MICU1: variants seen among roughly 807,000 people sequenced by gnomAD.
MICU1 encodes the protein calcium uptake protein 1, mitochondrial.
MICU1 carries 45 observed loss-of-function variants against 56.8 expected under a neutral mutation model. That is an observed-to-expected ratio of 0.79 (90% confidence interval 0.62 to 1.02). The LOEUF is 1.02. Ranked by LOEUF, MICU1 falls within the 50% of genes least tolerant of loss-of-function variation. The pLI is 0.00. For synonymous variants in MICU1, 186 were observed against 195.1 expected, an observed-to-expected ratio of 0.95 and a Z score of 0.39; for missense variants, 504 against 587.1, an observed-to-expected ratio of 0.86 and a Z score of 1.46.
At chr10:72,575,368 A>G (rs557144781) in intron 1 of MICU1, among the ~76,000 whole-genome samples, 1 of 152,304 alleles carries the variant, frequency 6.6e-6, no homozygotes. Context: ...CAAATAATAT[A>G]AAAATAAATT....
rs1250710380 is a variant in MICU1 at position 72,448,189 on chromosome 10, A to AT, written c.934-24819dup. ...TATGTGTGTGTATATATATATATATATATATTTTTTTTTTTTTTTTTTTTT... is the reference window on the plus strand; with the variant it reads ...TATGTGTGTGTATATATATATATATATTATATTTTTTTTTTTTTTTTTTTTT... On this transcript the variant is annotated intron_variant, in intron 8 of 11. Coordinates refer to ENST00000361114, the MANE Select transcript of MICU1 (RefSeq NM_001195518.2). Among the ~76,000 whole-genome samples the AT allele has an allele frequency of 7.6e-3, 418 of 55,236 alleles. 2 individuals are homozygous for AT. The highest frequency in any genetic ancestry group is 0.012 in the Non-Finnish European group (300 of 25,960). 36.2% of individuals were successfully genotyped at this position (55,236 alleles called of 152,430 possible). A position where few individuals can be genotyped will look rare whatever the true frequency, so the allele number is the denominator to read the frequency against.
intron 9 of MICU1, among the ~76,000 whole-genome samples, chr10:72,421,073 G>A (rs373674948): frequency 3.8e-4 from 57 of 149,676 alleles, no homozygotes; most frequent in African/African-American, 1.3e-3. Flanking sequence ...GAAAAGACAC[G>A]TCTTACATTG....
intron 1 of MICU1, among the ~76,000 whole-genome samples, chr10:72,577,473 C>T (rs1376755466): frequency 6.7e-6 from 1 of 149,976 alleles, no homozygotes; most frequent in Non-Finnish European, 1.5e-5. Context: ...TGCATCACTG[C>T]ACTCCAGCCT....
chr10:72,570,182 T>C (rs566617357), intron 1 of MICU1, among the ~76,000 whole-genome samples: 3 of 152,144 alleles, frequency 2.0e-5, no homozygotes, highest in Non-Finnish European at 2.9e-5. Context: ...TGACCTCAAG[T>C]GATCTGCCCG....
chr10:72,375,862 C>T lies in MICU1; in HGVS notation c.1191G>A (p.Gln397=), dbSNP rs1294717508. Reference sequence around the variant, plus strand: ...CTTTAGCCACTGTCCTGGCCACCTGCTGCATGGTCACTGAAAAAAGAAAGA... The same window carrying T: ...CTTTAGCCACTGTCCTGGCCACCTGTTGCATGGTCACTGAAAAAAGAAAGA... ...AGASLDKVTM[Q]QVARTVAKVE... Residue 397 remains glutamine (Q), a synonymous_variant, in exon 11 of 12, where the codon CAG becomes CAA. Coordinates refer to ENST00000361114, the MANE Select transcript of MICU1 (RefSeq NM_001195518.2). 1 of 1,613,070 alleles carries T rather than the reference C, an allele frequency of 6.2e-7. No individual in the cohort carries two copies. Among genetic ancestry groups the T allele is most frequent in the Admixed American group, 1.7e-5 (1 of 59,884 alleles).
chr10:72,611,441 G>T (rs1841846799), intron 1 of MICU1, among the ~76,000 whole-genome samples: 1 of 151,736 alleles, frequency 6.6e-6, no homozygotes, highest in African/African-American at 2.4e-5. Flanking sequence ...GCGAAACCCC[G>T]TCTCTACTAA....
chr10:72,612,705 G>A (rs1841882880), intron 1 of MICU1, among the ~76,000 whole-genome samples: 1 of 152,078 alleles, frequency 6.6e-6, no homozygotes, highest in Non-Finnish European at 1.5e-5. Context: ...GGCGGCTGAG[G>A]CAGGAGGACC....
intron 9 of MICU1, among the ~76,000 whole-genome samples, chr10:72,411,166 G>C (rs979199173): frequency 2.6e-5 from 4 of 152,154 alleles, no homozygotes; most frequent in Non-Finnish European, 5.9e-5. Context: ...AATGAGAGTA[G>C]TCAAAGATGG....
chr10:72,427,733 AATATATATATATATATAT>A (rs58696519), intron 8 of MICU1, among the ~76,000 whole-genome samples: 264 of 136,298 alleles, frequency 1.9e-3, no homozygotes, highest in South Asian at 4.0e-3. Context: ...CCATCTCTAA[AATATATATATATATATAT>A]ATATATATAT....
intron 8 of MICU1, among the ~76,000 whole-genome samples, chr10:72,430,891 G>A (rs1274987351): frequency 6.6e-6 from 1 of 152,032 alleles, no homozygotes; most frequent in Admixed American, 6.6e-5. Context: ...ACAAAAGCTT[G>A]TATTCCTAAA....
intron 8 of MICU1, among the ~76,000 whole-genome samples, chr10:72,431,784 C>T (rs73279037): frequency 0.054 from 8,143 of 152,124 alleles, 747 homozygotes; most frequent in African/African-American, 0.19. Flanking sequence ...TGTAGTCTGC[C>T]AAATTAATTT....
At chr10:72,402,970 T>G (rs1564847593) in intron 10 of MICU1, among the ~76,000 whole-genome samples, 1 of 152,170 alleles carries the variant, frequency 6.6e-6, no homozygotes, top group African/African-American at 2.4e-5. Context: ...GCTTGAGCCT[T>G]GGACATGGAG....
chr10:72,493,267 G>A (rs1866729052), intron 6 of MICU1, among the ~76,000 whole-genome samples: 1 of 151,880 alleles, frequency 6.6e-6, no homozygotes, highest in African/African-American at 2.4e-5. Flanking sequence ...AGAATAATAG[G>A]TATGTTTTGA....
chr10:72,449,181 T>G (rs960621752), intron 8 of MICU1, among the ~76,000 whole-genome samples: 15 of 152,168 alleles, frequency 9.9e-5, no homozygotes, highest in African/African-American at 3.4e-4. Flanking sequence ...GCAGATCACA[T>G]GAGGTCAGGA....
Position 72,562,894 on chromosome 10 carries a change from C to T in MICU1, c.330+1G>A, listed in dbSNP as rs1224110406. On this transcript the variant is annotated splice_donor_variant, in intron 3 of 11. Transcript: ENST00000361114. LOFTEE classifies it high-confidence loss of function. The stretch of plus-strand genomic sequence containing the variant: ...TCAACTTATAAGACTATGTTTCATA[C>T]TTTTCTGTCTCTGAATCCAGAACGT... 2 of 1,584,146 alleles carry T rather than the reference C, an allele frequency of 1.3e-6. No homozygotes were observed. Among genetic ancestry groups the T allele is most frequent in the Non-Finnish European group, 1.7e-6 (2 of 1,169,278 alleles).
intron 5 of MICU1, among the ~76,000 whole-genome samples, chr10:72,517,611 G>T (rs1867686687): frequency 1.3e-5 from 2 of 151,986 alleles, no homozygotes; most frequent in Non-Finnish European, 2.9e-5. Flanking sequence ...ATGGACTTTG[G>T]CGACTCGGGG....
chr10:72,459,297 C>T (rs1865577310), intron 8 of MICU1, among the ~76,000 whole-genome samples: 1 of 152,168 alleles, frequency 6.6e-6, no homozygotes, highest in Admixed American at 6.5e-5. Flanking sequence ...CACCACTGCA[C>T]TCCAGCCTGG....
chr10:72,505,625 C>T (rs187279632), intron 6 of MICU1, among the ~76,000 whole-genome samples: 295 of 152,274 alleles, frequency 1.9e-3, no homozygotes, highest in Non-Finnish European at 3.2e-3. Context: ...GAATACTACA[C>T]GGTCATGAAC....
At chr10:72,512,838 G>A (rs1287047174) in intron 5 of MICU1, among the ~76,000 whole-genome samples, 3 of 152,086 alleles carry the variant, frequency 2.0e-5, no homozygotes, top group Non-Finnish European at 2.9e-5. Flanking sequence ...CCCAGTAGCT[G>A]GGACTACAGG....
Sources: allele counts gnomAD v4.1 joint callset (sites outside exome capture counted in the v4.1 genomes callset), GRCh38; gene constraint gnomAD v4.1.1; transcripts MANE v1.5; gene names NCBI Gene and HGNC (gene_info 2026-07-23, HGNC 2026-07-21).